Variants in LCNL1 observed in about 807,000 individuals in gnomAD.
LCNL1 encodes lipocalin like 1.
Under a neutral mutation model 7.9 loss-of-function variants are expected in LCNL1, and 11 were observed. The observed-to-expected ratio is 1.40, with a 90% CI of 0.88 to 2.32. The LOEUF is 2.32. LCNL1 is among the 30% of genes most tolerant of loss of function. The probability of loss-of-function intolerance (pLI) is 0.00; values close to 1 mark genes in which losing one functional copy is unlikely to be tolerated. For synonymous variants in LCNL1, 90 were observed against 92.5 expected (o/e 0.97, Z 0.15); for missense variants, 218 against 217.0 (o/e 1.00, Z -0.03).
intron 2 of LCNL1, 43 bp downstream of exon 2, chr9:136,984,606 G>C: frequency 6.6e-7 from 1 of 1,523,216 alleles, no homozygotes; most frequent in African/African-American, 1.4e-5. Context: ...GGGGGCCCTG[G>C]AGGCTGCATG....
rs550695489 is a variant in LCNL1, at chr9:136,983,411, T to G, written c.-176T>G. Reference sequence around the variant, plus strand: ...TGGGCTGGTGGGGGCCAGTTGCTCATGTACTGAGGCCCCCCTCCCTCAGTT... The same window carrying G: ...TGGGCTGGTGGGGGCCAGTTGCTCAGGTACTGAGGCCCCCCTCCCTCAGTT... On this transcript the variant is annotated 5_prime_UTR_variant, in exon 1 of 3. An upstream start codon of the reference 5' UTR is lost. Coordinates refer to ENST00000408973, the MANE Select transcript of LCNL1 (RefSeq NM_207510.4). 4.2e-6 allele frequency: 3 copies of G among 714,114 alleles called. No homozygotes were observed. Among genetic ancestry groups the G allele is most frequent in the Admixed American group, 2.4e-5 (1 of 42,262 alleles). 44.2% of individuals were successfully genotyped at this position (714,114 alleles called of 1,614,324 possible).
intron 2 of LCNL1, 30 bp downstream of exon 2, chr9:136,984,593 C>A: frequency 6.5e-7 from 1 of 1,533,710 alleles, no homozygotes. Context: ...AGGGCTGTGG[C>A]GTGGGGGCCC....
Position 136,985,191 on chromosome 9 carries a change from G to T in LCNL1, c.*180G>T. ...GGGCCAGGCCCCGGGTCACACCCCT[G>T]CTGGAAGGGCCAGGCCCTGGTCACT... On this transcript the variant is annotated 3_prime_UTR_variant, in exon 3 of 3. Coordinates refer to ENST00000408973, the MANE Select transcript of LCNL1 (RefSeq NM_207510.4). 1.6e-6 allele frequency: 1 copy of T among 623,970 alleles called. No homozygotes were observed. The allele number at this position is 623,970 out of a possible 1,614,324, so 38.7% of individuals were successfully genotyped here. A position where few individuals can be genotyped will look rare whatever the true frequency, so the allele number is the denominator to read the frequency against.
Position 136,983,663 on chromosome 9 carries a change from C to T in LCNL1, c.77C>T (p.Thr26Ile). Residue 26 changes from threonine to isoleucine, a missense_variant, in exon 1 of 3, where the codon ACC becomes ATC. Physicochemically the swap from Thr to Ile is moderately conservative, Grantham distance 89 (BLOSUM62 -1). Coordinates refer to ENST00000408973, the MANE Select transcript of LCNL1 (RefSeq NM_207510.4). ...DTMKMAVVLV[T>I]PLGNGDLALK... Reference sequence around the variant, plus strand: ...ATGAAGATGGCTGTGGTCTTAGTGACCCCCTTGGGGAATGGTGACCTGGCC... The same window carrying T: ...ATGAAGATGGCTGTGGTCTTAGTGATCCCCTTGGGGAATGGTGACCTGGCC... 6.2e-7 allele frequency: 1 copy of T among 1,614,026 alleles called. No individual in the cohort carries two copies. Among genetic ancestry groups the T allele is most frequent in the South Asian group, 1.1e-5 (1 of 91,088 alleles).
At chr9:136,984,409 C>A in intron 1 of LCNL1, 81 bp from the exon 2 acceptor site, 1 of 1,319,944 alleles carries the variant, frequency 7.6e-7, no homozygotes, top group Non-Finnish European at 1.0e-6. Context: ...GGACCCTGGG[C>A]TCAGAGACAG....
Position 136,985,100 on chromosome 9 carries a change from C to A in LCNL1, c.*89C>A. The A allele has an allele frequency of 1.5e-6, 2 of 1,297,742 alleles. No homozygotes were observed. The highest frequency in any genetic ancestry group is 2.1e-6 in the Non-Finnish European group (2 of 964,104). The allele number at this position is 1,297,742 out of a possible 1,614,324, so 80.4% of individuals were successfully genotyped here. A position where few individuals can be genotyped will look rare whatever the true frequency, so the allele number is the denominator to read the frequency against. The stretch of plus-strand genomic sequence containing the variant: ...TGCAGCTACTGGCGCCCCAAGTGGG[C>A]CTGAGCCCCAGCCAGGGCGTCCTGC... On this transcript the variant is annotated 3_prime_UTR_variant, in exon 3 of 3. Coordinates refer to ENST00000408973, the MANE Select transcript of LCNL1 (RefSeq NM_207510.4).
At chr9:136,984,140 CTG>C (rs1357213233) in intron 1 of LCNL1, 2 of 417,238 alleles carry the variant, frequency 4.8e-6, no homozygotes, top group Non-Finnish European at 8.7e-6. Flanking sequence ...GTGTCTATCT[CTG>C]TGTGTGTCTT....
rs1428490880 is a variant in LCNL1 at position 136,985,686 on chromosome 9, T to G, written c.*675T>G. The G allele has an allele frequency of 6.6e-6, 1 of 152,230 alleles. No homozygotes were observed. The highest frequency in any genetic ancestry group is 6.5e-5 in the Admixed American group (1 of 15,280). The allele number at this position is 152,230 out of a possible 1,614,324, so 9.4% of individuals were successfully genotyped here. On this transcript the variant is annotated 3_prime_UTR_variant, in exon 3 of 3. Transcript: ENST00000408973. ...GTGCCCGCAGGGGTCAGCTGCTCCGTGCGCCCAGCCCTGCCCAAAGAGCCC... is the reference window on the plus strand; with the variant it reads ...GTGCCCGCAGGGGTCAGCTGCTCCGGGCGCCCAGCCCTGCCCAAAGAGCCC...
chr9:136,984,143 T>C (rs996851654), intron 1 of LCNL1: 2 of 421,136 alleles, frequency 4.7e-6, no homozygotes, highest in Non-Finnish European at 8.6e-6. Context: ...TCTATCTCTG[T>C]GTGTGTCTTG....
intron 1 of LCNL1, chr9:136,984,150 C>A: frequency 2.4e-6 from 1 of 422,066 alleles, no homozygotes; most frequent in Non-Finnish European, 4.3e-6. Context: ...CTGTGTGTGT[C>A]TTGTGTGCGT....
intron 1 of LCNL1, 33 bp from the exon 2 acceptor site, chr9:136,984,457 G>A: frequency 6.6e-7 from 1 of 1,523,304 alleles, no homozygotes; most frequent in Non-Finnish European, 8.8e-7. Context: ...GGCAGGGGTG[G>A]CCACTCAGGG....
At position 136,984,848 on chromosome 9, in the gene LCNL1, C is replaced by A; in HGVS notation, c.332C>A (p.Pro111His). The change falls in exon 3 of 3, where the codon CCC (proline) becomes CAC (histidine). Residue 111 changes from proline to histidine, a missense_variant. Pro to His is a moderately conservative substitution (Grantham distance 77, BLOSUM62 -2). Coordinates refer to ENST00000408973, the MANE Select transcript of LCNL1 (RefSeq NM_207510.4). ...GGTGGGCGGGCTGCGGGGCGGAGAC[C>A]CAGACACCCCCGCTTCGGGTCTGGG... is the stretch of plus-strand genomic sequence containing the variant. Reference protein sequence around the residue: ...LYGGRAAGRRPRHPRFGSGMS... With the variant: ...LYGGRAAGRRHRHPRFGSGMS... The A allele has an allele frequency of 1.9e-6, 3 of 1,564,814 alleles. No individual in the cohort carries two copies. The highest frequency in any genetic ancestry group is 2.6e-6 in the Non-Finnish European group (3 of 1,154,532).
In LCNL1 at chr9:136,983,610, C is replaced by T. The variant is rs761759714; in HGVS notation, c.24C>T (p.Asp8=). The T allele has an allele frequency of 5.0e-6, 8 of 1,613,896 alleles. No individual in the cohort carries two copies. The highest frequency in any genetic ancestry group is 6.8e-6 in the Non-Finnish European group (8 of 1,179,872). Residue 8 remains aspartate, a synonymous_variant, in exon 1 of 3, where the codon GAC becomes GAT. Coordinates refer to ENST00000408973, the MANE Select transcript of LCNL1 (RefSeq NM_207510.4). ...ACATGGTCGGGGTGGTGTCAGATGA[C>T]CAGGACTTCCTGGACTCCAAGGACA... MVGVVSD[D]QDFLDSKDTM...
At chr9:136,983,809 G>C (rs1830467365) in intron 1 of LCNL1, 101 bp downstream of exon 1, 1 of 1,531,482 alleles carries the variant, frequency 6.5e-7, no homozygotes, top group African/African-American at 1.4e-5. Context: ...GCACATTGAG[G>C]TCAGACCACG....
At position 136,983,217 on chromosome 9, in the gene LCNL1, T is replaced by C. The variant is rs1008910419; in HGVS notation, c.-370T>C. 1 of 234,992 alleles carries C rather than the reference T, an allele frequency of 4.3e-6. No homozygotes were observed. The highest frequency in any genetic ancestry group is 8.8e-6 in the Non-Finnish European group (1 of 113,434). 14.6% of individuals were successfully genotyped at this position (234,992 alleles called of 1,614,324 possible). Reference sequence around the variant, plus strand: ...TGGCTGGGGAAGACTGCAGCCTCCATCCTACCTTTTCAGTTGCATCCCCCA... The same window carrying C: ...TGGCTGGGGAAGACTGCAGCCTCCACCCTACCTTTTCAGTTGCATCCCCCA... On this transcript the variant is annotated 5_prime_UTR_variant, in exon 1 of 3. Transcript: ENST00000408973.
intron 1 of LCNL1, chr9:136,984,001 T>C (rs1830468705): frequency 4.5e-6 from 2 of 448,040 alleles, no homozygotes; most frequent in Admixed American, 3.5e-5. Flanking sequence ...TATTTCTGCA[T>C]GTGTGTGTGT....
Position 136,984,545 on chromosome 9 carries a change from G to A in LCNL1, c.178G>A (p.Gly60Arg), listed in dbSNP as rs1830476710. 1.3e-6 allele frequency: 2 copies of A among 1,575,448 alleles called. No individual in the cohort carries two copies. Among genetic ancestry groups the A allele is most frequent in the South Asian group, 1.2e-5 (1 of 86,198 alleles). Residue 60 changes from glycine (G) to arginine (R), a missense_variant, in exon 2 of 3, where the codon GGG becomes AGG. By Grantham distance (125) the Gly-to-Arg change is moderately radical (BLOSUM62 -2). Coordinates refer to ENST00000408973, the MANE Select transcript of LCNL1 (RefSeq NM_207510.4). ...DTTFTEGAVPGQFSNPAMALS... is the reference protein window; with the variant it reads ...DTTFTEGAVPRQFSNPAMALS... Reference sequence around the variant, plus strand: ...GACCTTCACCGAGGGTGCTGTACCGGGGCAGTTCAGCAACCCAGGTGAGGT... The same window carrying A: ...GACCTTCACCGAGGGTGCTGTACCGAGGCAGTTCAGCAACCCAGGTGAGGT...
In LCNL1 at chr9:136,983,737, C is replaced by G. The variant is rs761526680; in HGVS notation, c.122+29C>G. The G allele has an allele frequency of 1.9e-6, 3 of 1,608,240 alleles. No homozygotes were observed. In the African/African-American group the frequency reaches 4.0e-5, roughly 21 times the overall value. On this transcript the variant is annotated intron_variant, in intron 1 of 2. Coordinates refer to ENST00000408973, the MANE Select transcript of LCNL1 (RefSeq NM_207510.4). ...AGTGACCACACGAGCCCATCAGACT[C>G]AGCCTCAGAGGATGGCCAGCATGAG... is the stretch of plus-strand genomic sequence containing the variant.
Position 136,984,750 on chromosome 9 carries a change from C to T in LCNL1, c.234C>T (p.Asp78=). The change falls in exon 3 of 3, where the codon GAC becomes GAT. Residue 78 remains aspartate (D), a synonymous_variant. Coordinates refer to ENST00000408973, the MANE Select transcript of LCNL1 (RefSeq NM_207510.4). ...GTGACATCCGAGTGGCCTTCTCCGA[C>T]TACCAGCACTTTGCCTTGCTGTACT... ...ALSDIRVAFS[D]YQHFALLYLE... is the part of the protein sequence containing the mutation. The T allele has an allele frequency of 6.5e-7, 1 of 1,544,158 alleles. No homozygotes were observed. Among genetic ancestry groups the T allele is most frequent in the Non-Finnish European group, 8.8e-7 (1 of 1,140,388 alleles).
Sources: allele counts gnomAD v4.1 joint callset, GRCh38; gene constraint gnomAD v4.1.1; transcripts MANE v1.5; gene names NCBI Gene and HGNC (gene_info 2026-07-23, HGNC 2026-07-21).